Variants in GNG3 observed in about 807,000 individuals in gnomAD.
The protein encoded by GNG3 is G protein subunit gamma 3, also known as guanine nucleotide-binding protein G(I)/G(S)/G(O) subunit gamma-3.
In GNG3, 4 loss-of-function variants were observed where a neutral mutation model predicts 5.6. The ratio of observed to expected loss-of-function variants is 0.71; its 90% CI spans 0.35 to 1.63. GNG3 has a LOEUF of 1.63. Ranked by LOEUF, GNG3 falls within the 40% of genes most tolerant of loss-of-function variation. The pLI is 0.05. For synonymous variants in GNG3, 30 were observed against 33.5 expected, an observed-to-expected ratio of 0.89 and a Z score of 0.36; for missense variants, 62 against 96.6, an observed-to-expected ratio of 0.64 and a Z score of 1.50.
At chr11:62,706,733 A>G (rs753633137), upstream of GNG3, 9 of 504,122 alleles carry the variant, frequency 1.8e-5, no homozygotes, top group Non-Finnish European at 2.8e-5. Context: ...GCATTCGCCT[A>G]GAGCATGTTG....
chr11:62,707,274 C>A, upstream of GNG3: 1 of 1,224,600 alleles, frequency 8.2e-7, no homozygotes. Flanking sequence ...GATCCAGACG[C>A]TGATACCTGT....
At chr11:62,707,403 A>G (rs2134748936), upstream of GNG3, 3 of 702,682 alleles carry the variant, frequency 4.3e-6, no homozygotes, top group South Asian at 4.4e-5. Flanking sequence ...GCGACTGCCC[A>G]GCTGATGTCA....
At chr11:62,708,534 T>A in intron 2 of GNG3, 140 bp downstream of exon 2, 17 of 1,274,530 alleles carry the variant, frequency 1.3e-5, no homozygotes, top group Non-Finnish European at 1.9e-5. Flanking sequence ...TAGAGAGAGC[T>A]GTCCCCAGGC....
chr11:62,707,561 C>T, upstream of GNG3: 1 of 589,972 alleles, frequency 1.7e-6, no homozygotes, highest in Non-Finnish European at 3.0e-6. Context: ...AGGATGCCTG[C>T]AATGGGGGAG....
chr11:62,707,626 G>T, upstream of GNG3: 1 of 497,608 alleles, frequency 2.0e-6, no homozygotes, highest in Non-Finnish European at 3.7e-6. Flanking sequence ...CAGGCAGCTA[G>T]GCTCCCCCAC....
chr11:62,707,144 A>C, upstream of GNG3: 1 of 1,554,176 alleles, frequency 6.4e-7, no homozygotes, highest in Non-Finnish European at 8.7e-7. Context: ...TGGTCTCCGC[A>C]CACCTCTTTT....
chr11:62,707,033 C>T, upstream of GNG3: 1 of 1,280,220 alleles, frequency 7.8e-7, no homozygotes, highest in Non-Finnish European at 1.1e-6. Flanking sequence ...AAAACCAATC[C>T]ATCCCCCCGC....
rs2083587919 is a variant in GNG3 at position 62,708,960 on chromosome 11, C to A, written c.*154C>A. ...ATCTGAAGCACAAGGCCCACCCTCA[C>A]CTATCTGTCGACCCCATTTCCTACC... On this transcript the variant is annotated 3_prime_UTR_variant, in exon 3 of 3. Coordinates refer to ENST00000294117, the MANE Select transcript of GNG3 (RefSeq NM_012202.5). The A allele has an allele frequency of 1.5e-6, 1 of 677,666 alleles. No individual in the cohort carries two copies. The highest frequency in any genetic ancestry group is 2.6e-5 in the East Asian group (1 of 39,130). 42.0% of individuals were successfully genotyped at this position (677,666 alleles called of 1,614,324 possible). A position where few individuals can be genotyped will look rare whatever the true frequency, so the allele number is the denominator to read the frequency against.
intron 2 of GNG3, 91 bp downstream of exon 2, chr11:62,708,485 C>A (rs1159630616): frequency 8.2e-7 from 1 of 1,226,354 alleles, no homozygotes; most frequent in Non-Finnish European, 1.2e-6. Context: ...GCGTTCTTTC[C>A]TTCACTCCCT....
Position 62,707,708 on chromosome 11 carries a change from C to T in GNG3, c.-209C>T, listed in dbSNP as rs1035317625. ...CATCCTTCATCCTTCAGGTACCAGC[C>T]ATCCAGACAGTGCTTGAGCTGCAGA... On this transcript the variant is annotated 5_prime_UTR_variant, in exon 1 of 3. Transcript: ENST00000294117. 5.7e-6 allele frequency: 2 copies of T among 349,842 alleles called. No individual in the cohort carries two copies. Among genetic ancestry groups the T allele is most frequent in the Non-Finnish European group, 1.1e-5 (2 of 182,044 alleles). 21.7% of individuals were successfully genotyped at this position (349,842 alleles called of 1,614,324 possible).
At chr11:62,708,476 C>G (rs1029762661) in intron 2 of GNG3, 82 bp downstream of exon 2, 2 of 1,243,578 alleles carry the variant, frequency 1.6e-6, no homozygotes, top group Non-Finnish European at 2.4e-6. Flanking sequence ...ATAAGAGATG[C>G]GTTCTTTCCT....
chr11:62,706,525 G>C, upstream of GNG3: 1 of 444,364 alleles, frequency 2.3e-6, no homozygotes, highest in Non-Finnish European at 4.5e-6. Flanking sequence ...CCTCCCTGCA[G>C]GCCCCAAGAT....
chr11:62,707,599 G>A (rs1172095567), upstream of GNG3: 3 of 547,922 alleles, frequency 5.5e-6, no homozygotes, highest in Non-Finnish European at 9.8e-6. Context: ...GCGACAGTGG[G>A]GGTGTGCGCA....
At chr11:62,707,289 C>A, upstream of GNG3, 1 of 1,098,580 alleles carries the variant, frequency 9.1e-7, no homozygotes. Context: ...ACCTGTGGCG[C>A]ATCACATTTT....
rs776472351 is a variant in GNG3, at chr11:62,708,913, C to T, written c.*107C>T. 2.1e-4 allele frequency: 170 copies of T among 823,500 alleles called. No homozygotes were observed. In the Middle Eastern group the frequency reaches 3.7e-3, roughly 18 times the overall value. 51.0% of individuals were successfully genotyped at this position (823,500 alleles called of 1,614,324 possible). ...AGGCTCCTTGCATCCCATCCCTAAC[C>T]CTTGCCTGACCATGTGAGGTTATCT... On this transcript the variant is annotated 3_prime_UTR_variant, in exon 3 of 3. Transcript: ENST00000294117.
chr11:62,708,406 C>A lies in GNG3; in HGVS notation c.99+12C>A, dbSNP rs765943905. The A allele has an allele frequency of 1.6e-5, 26 of 1,585,506 alleles. No individual in the cohort carries two copies. The South Asian group carries it at 2.7e-4, about 16-fold the overall frequency. ...TGTGTCGGATAAAGGTAGGTGGGAC[C>A]CTGGCTGGCTCCCATTAGTTGGCCA... On this transcript the variant is annotated intron_variant, in intron 2 of 2. Coordinates refer to ENST00000294117, the MANE Select transcript of GNG3 (RefSeq NM_012202.5).
In GNG3 at chr11:62,708,977, T is replaced by C. The variant is rs1428831577; in HGVS notation, c.*171T>C. The C allele has an allele frequency of 1.6e-6, 1 of 632,564 alleles. No homozygotes were observed. The highest frequency in any genetic ancestry group is 2.6e-5 in the Admixed American group (1 of 38,858). 39.2% of individuals were successfully genotyped at this position (632,564 alleles called of 1,614,324 possible). A position where few individuals can be genotyped will look rare whatever the true frequency, so the allele number is the denominator to read the frequency against. ...CACCCTCACCTATCTGTCGACCCCA[T>C]TTCCTACCACCTTTGTGGCCGACCC... On this transcript the variant is annotated 3_prime_UTR_variant, in exon 3 of 3. Transcript: ENST00000294117.
chr11:62,708,978 T>G lies in GNG3; in HGVS notation c.*172T>G. The G allele has an allele frequency of 1.6e-5, 10 of 619,532 alleles. No individual in the cohort carries two copies. Among genetic ancestry groups the G allele is most frequent in the East Asian group, 2.8e-5 (1 of 35,564 alleles). 38.4% of individuals were successfully genotyped at this position (619,532 alleles called of 1,614,324 possible). A position where few individuals can be genotyped will look rare whatever the true frequency, so the allele number is the denominator to read the frequency against. On this transcript the variant is annotated 3_prime_UTR_variant, in exon 3 of 3. Coordinates refer to ENST00000294117, the MANE Select transcript of GNG3 (RefSeq NM_012202.5). The stretch of plus-strand genomic sequence containing the variant: ...ACCCTCACCTATCTGTCGACCCCAT[T>G]TCCTACCACCTTTGTGGCCGACCCC...
At chr11:62,706,547 G>A (rs2083541989), upstream of GNG3, 7 of 460,710 alleles carry the variant, frequency 1.5e-5, no homozygotes, top group South Asian at 9.3e-5. Context: ...TGCCCCAGGG[G>A]ATGCGCTGAC....
Sources: gnomAD v4.1 joint callset for allele counts on GRCh38, gnomAD v4.1.1 for gene constraint, MANE v1.5 for transcripts, NCBI Gene and HGNC (gene_info 2026-07-23, HGNC 2026-07-21) for gene names.